SPOCK1: variants seen among roughly 807,000 people sequenced by gnomAD.
SPOCK1 encodes SPARC (osteonectin), cwcv and kazal like domains proteoglycan 1.
SPOCK1 carries 23 observed loss-of-function variants against 55.3 expected under a neutral mutation model. That is an observed-to-expected ratio of 0.42 (90% CI 0.30 to 0.59). SPOCK1 has a LOEUF of 0.59. Among genes scored for constraint, SPOCK1 ranks in the 20% least tolerant of loss-of-function variants. The pLI is 0.22. For missense variants in SPOCK1, 499 were observed against 552.5 expected, an observed-to-expected ratio of 0.90 and a Z score of 0.97; for synonymous variants, 226 against 221.0, an observed-to-expected ratio of 1.02 and a Z score of -0.20.
At chr5:137,243,877 G>A (rs998824477) in intron 3 of SPOCK1, among the ~76,000 whole-genome samples, 3 of 152,130 alleles carry the variant, frequency 2.0e-5, no homozygotes, top group Non-Finnish European at 4.4e-5. Flanking sequence ...CCGCGGACTT[G>A]CATTAACAGC....
At chr5:137,107,376 C>T (rs183384870) in intron 5 of SPOCK1, among the ~76,000 whole-genome samples, 16 of 152,266 alleles carry the variant, frequency 1.1e-4, no homozygotes, top group African/African-American at 3.1e-4. Flanking sequence ...GAAATTACTA[C>T]GGCGATCCTT....
intron 3 of SPOCK1, among the ~76,000 whole-genome samples, chr5:137,178,107 C>A (rs1256625570): frequency 6.6e-6 from 1 of 152,198 alleles, no homozygotes; most frequent in Non-Finnish European, 1.5e-5. Context: ...CCATCCAGAT[C>A]AATGCAAGTG....
At chr5:137,103,635 A>T (rs775220557) in intron 5 of SPOCK1, among the ~76,000 whole-genome samples, 1 of 152,240 alleles carries the variant, frequency 6.6e-6, no homozygotes, top group East Asian at 1.9e-4. Flanking sequence ...GGAGCAAGAG[A>T]TAAAATGTAA....
intron 3 of SPOCK1, among the ~76,000 whole-genome samples, chr5:137,149,532 T>G (rs1166940098): frequency 2.6e-5 from 4 of 152,060 alleles, no homozygotes; most frequent in African/African-American, 9.7e-5. Flanking sequence ...ATAGTAAAAA[T>G]CAAATATTTC....
At chr5:137,297,728 T>C (rs915586414) in intron 2 of SPOCK1, among the ~76,000 whole-genome samples, 2 of 151,970 alleles carry the variant, frequency 1.3e-5, no homozygotes, top group African/African-American at 2.4e-5. Flanking sequence ...GGCACAAACA[T>C]GAGCAGACCA....
At chr5:137,027,009 C>A (rs1561584069) in intron 6 of SPOCK1, among the ~76,000 whole-genome samples, 1 of 152,192 alleles carries the variant, frequency 6.6e-6, no homozygotes, top group Admixed American at 6.5e-5. Context: ...ATAAAATCTT[C>A]ATTCTAAAAT....
At chr5:137,043,858 G>C (rs899980633) in intron 6 of SPOCK1, among the ~76,000 whole-genome samples, 10 of 152,074 alleles carry the variant, frequency 6.6e-5, no homozygotes, top group African/African-American at 2.4e-4. Context: ...AACGAAATTA[G>C]GTAAAAGCTA....
At chr5:137,092,869 A>G (rs1753075784) in intron 5 of SPOCK1, among the ~76,000 whole-genome samples, 1 of 152,174 alleles carries the variant, frequency 6.6e-6, no homozygotes, top group African/African-American at 2.4e-5. Context: ...ACGGAGGCTG[A>G]GAAGTCCTGG....
intron 2 of SPOCK1, among the ~76,000 whole-genome samples, chr5:137,356,772 T>TAGAGC (rs1317590872): frequency 3.2e-5 from 4 of 126,222 alleles, no homozygotes; most frequent in African/African-American, 1.2e-4. Context: ...TTCTGGGCAA[T>TAGAGC]AGAGCAAGAC....
intron 2 of SPOCK1, among the ~76,000 whole-genome samples, chr5:137,405,941 C>T (rs1451712312): frequency 1.3e-5 from 2 of 152,122 alleles, no homozygotes; most frequent in Admixed American, 6.5e-5. Flanking sequence ...ATTTGGCCCA[C>T]GAACTGAGGG....
rs1750888478 is a variant in SPOCK1, at chr5:136,988,606, G to A, written c.744C>T (p.Ser248=). 6.2e-7 allele frequency: 1 copy of A among 1,613,676 alleles called. No individual in the cohort carries two copies. Among genetic ancestry groups the A allele is most frequent in the Non-Finnish European group, 8.5e-7 (1 of 1,179,830 alleles). Residue 248 remains serine (S), a synonymous_variant, in exon 8 of 11, where the codon TCC becomes TCT. Coordinates refer to ENST00000394945, the MANE Select transcript of SPOCK1 (RefSeq NM_004598.4). ...CCAACTTGTTGAACATCCAGCCCAG[G>A]GAGTCCTTGCAGATGGGCAGGATGC... ...DTSILPICKD[S]LGWMFNKLDM...
At chr5:137,099,614 ACAT>A in intron 5 of SPOCK1, among the ~76,000 whole-genome samples, 1 of 151,978 alleles carries the variant, frequency 6.6e-6, no homozygotes, top group South Asian at 2.1e-4. Context: ...ATATACACAC[ACAT>A]ATGTATATAT....
intron 2 of SPOCK1, among the ~76,000 whole-genome samples, chr5:137,441,486 A>G (rs1436579683): frequency 6.6e-6 from 1 of 152,246 alleles, no homozygotes; most frequent in African/African-American, 2.4e-5. Context: ...CAAATCAGCC[A>G]TCTTAGCCAC....
intron 6 of SPOCK1, among the ~76,000 whole-genome samples, chr5:137,052,283 T>G (rs533013636): frequency 1.3e-5 from 2 of 152,242 alleles, no homozygotes; most frequent in African/African-American, 4.8e-5. Context: ...TAAACCACTG[T>G]TATTTAGGTT....
intron 3 of SPOCK1, among the ~76,000 whole-genome samples, chr5:137,142,612 T>C (rs1187230049): frequency 2.0e-5 from 3 of 152,170 alleles, no homozygotes; most frequent in African/African-American, 4.8e-5. Context: ...GGCTGTGAGA[T>C]AAAAGAGAGG....
At chr5:137,043,942 C>T (rs894639683) in intron 6 of SPOCK1, among the ~76,000 whole-genome samples, 3 of 152,128 alleles carry the variant, frequency 2.0e-5, no homozygotes, top group Non-Finnish European at 2.9e-5. Context: ...ACAAATGTAC[C>T]ATGCCAATGT....
intron 2 of SPOCK1, among the ~76,000 whole-genome samples, chr5:137,419,285 C>G (rs1752429226): frequency 6.6e-6 from 1 of 152,174 alleles, no homozygotes; most frequent in African/African-American, 2.4e-5. Context: ...GAAATGCAGG[C>G]TCTTTTTTGG....
chr5:137,146,748 G>A (rs915559235), intron 3 of SPOCK1, among the ~76,000 whole-genome samples: 1 of 152,170 alleles, frequency 6.6e-6, no homozygotes, highest in African/African-American at 2.4e-5. Context: ...TGTAACCAGA[G>A]AAGAATGGCA....
intron 3 of SPOCK1, among the ~76,000 whole-genome samples, chr5:137,213,868 C>T (rs890274564): frequency 6.6e-6 from 1 of 152,178 alleles, no homozygotes; most frequent in African/African-American, 2.4e-5. Flanking sequence ...CTGGTCTCAT[C>T]ATTTTAATTC....
Sources: gnomAD v4.1 joint callset for allele counts (sites outside exome capture counted in the v4.1 genomes callset) on GRCh38, gnomAD v4.1.1 for gene constraint, MANE v1.5 for transcripts, NCBI Gene and HGNC (gene_info 2026-07-23, HGNC 2026-07-21) for gene names.